Variants in DZIP1 observed in about 807,000 individuals in gnomAD.
The protein encoded by DZIP1 is cilium assembly protein DZIP1.
In DZIP1, 97 loss-of-function variants were observed where a neutral mutation model predicts 107.6. That is an observed-to-expected ratio of 0.90 (90% CI 0.77 to 1.07). The LOEUF is 1.07. DZIP1 is among the 50% of genes least tolerant of loss of function. DZIP1 has a pLI of 0.00. For missense variants in DZIP1, 1,035 were observed against 1,063.6 expected (o/e 0.97, Z 0.37); for synonymous variants, 390 against 386.4 (o/e 1.01, Z -0.11).
At position 95,593,802 on chromosome 13, in the gene DZIP1, G is replaced by C. The variant is rs911097739; in HGVS notation, c.1680+142C>G. On this transcript the variant is annotated intron_variant, in intron 16 of 22. Coordinates refer to ENST00000376829, the MANE Select transcript of DZIP1 (RefSeq NM_198968.4). ...CACAGTGAATGCTATTCAAGTGTTT[G>C]ATAAATAAAGTAGGTCACATTAGCC... 6.4e-6 allele frequency: 6 copies of C among 944,846 alleles called. No individual in the cohort carries two copies. The African/African-American group carries it at 8.6e-5, about 13-fold the overall frequency. 58.5% of individuals were successfully genotyped at this position (944,846 alleles called of 1,614,324 possible).
Position 95,600,020 on chromosome 13 carries a change from G to A in DZIP1, c.1478-596C>T, listed in dbSNP as rs188976055. ...GCCCTAGCCCCACAGCTGGGCAGAT[G>A]AGGAAGGACTCTTCCCAATCTCACC... On this transcript the variant is annotated intron_variant, in intron 14 of 22. Coordinates refer to ENST00000376829, the MANE Select transcript of DZIP1 (RefSeq NM_198968.4). 3.3e-5 allele frequency among the ~76,000 whole-genome samples: 5 copies of A among 152,310 alleles called. No homozygotes were observed. In the East Asian group the frequency reaches 7.7e-4, roughly 24 times the overall value.
At chr13:95,613,350 T>C (rs2045075461) in intron 10 of DZIP1, among the ~76,000 whole-genome samples, 1 of 151,892 alleles carries the variant, frequency 6.6e-6, no homozygotes, top group Non-Finnish European at 1.5e-5. Flanking sequence ...CCATCTCTAA[T>C]AAAAATACAA....
In DZIP1 at chr13:95,624,649, G is replaced by A. The variant is rs890957494; in HGVS notation, c.972+119C>T. On this transcript the variant is annotated intron_variant, in intron 8 of 22. Transcript: ENST00000376829. ...ATGCCTCCCTCAAGACTCTCAGGGA[G>A]AAGAATGTCTGCACGAGGGTAACAT... The A allele has an allele frequency of 1.6e-5, 14 of 897,886 alleles. No individual in the cohort carries two copies. In the South Asian group the frequency reaches 1.9e-4, roughly 12 times the overall value. 55.6% of individuals were successfully genotyped at this position (897,886 alleles called of 1,614,324 possible).
intron 10 of DZIP1, among the ~76,000 whole-genome samples, chr13:95,613,718 G>C (rs1017349344): frequency 1.3e-5 from 2 of 152,108 alleles, no homozygotes; most frequent in African/African-American, 4.8e-5. Context: ...TCATTTTGTT[G>C]AATCCACACC....
chr13:95,598,994 T>C (rs949503796), intron 15 of DZIP1, among the ~76,000 whole-genome samples: 4 of 152,212 alleles, frequency 2.6e-5, no homozygotes, highest in Non-Finnish European at 5.9e-5. Flanking sequence ...ATTAAGGGTA[T>C]GATAAATCAC....
intron 20 of DZIP1, among the ~76,000 whole-genome samples, chr13:95,587,035 A>T (rs988830845): frequency 6.6e-6 from 1 of 152,228 alleles, no homozygotes; most frequent in African/African-American, 2.4e-5. Context: ...TTGGAGGCAC[A>T]GTCTTTGCAA....
chr13:95,601,572 C>T (rs2044617928), intron 14 of DZIP1, among the ~76,000 whole-genome samples: 2 of 152,204 alleles, frequency 1.3e-5, no homozygotes, highest in South Asian at 4.1e-4. Context: ...CCAGAGCTTA[C>T]TCAGTGGCTT....
At chr13:95,598,992 T>A (rs1355286958) in intron 15 of DZIP1, among the ~76,000 whole-genome samples, 1 of 152,204 alleles carries the variant, frequency 6.6e-6, no homozygotes, top group African/African-American at 2.4e-5. Flanking sequence ...AGATTAAGGG[T>A]ATGATAAATC....
At chr13:95,589,130 C>A in intron 19 of DZIP1, 24 bp downstream of exon 19, 1 of 1,582,484 alleles carries the variant, frequency 6.3e-7, no homozygotes, top group Non-Finnish European at 8.6e-7. Context: ...TTTAAATGAC[C>A]CTCCCATCCC....
At chr13:95,610,107 TGTGTGAGAGAGAGACA>T (rs1367528590) in intron 12 of DZIP1, among the ~76,000 whole-genome samples, 1 of 121,948 alleles carries the variant, frequency 8.2e-6, no homozygotes, top group East Asian at 2.4e-4. Context: ...TGTGTGTGTG[TGTGTGAGAGAGAGACA>T]GAGAGAGAGA....
chr13:95,600,636 A>ACAGACAGACAGACAGACAGG (rs2044594954), intron 14 of DZIP1, among the ~76,000 whole-genome samples: 1 of 152,194 alleles, frequency 6.6e-6, no homozygotes, highest in African/African-American at 2.4e-5. Context: ...AGATAGACAG[A>ACAGACAGACAGACAGACAGG]CAGACAGACA....
Position 95,600,590 on chromosome 13 carries a change from TGATAGATA to T in DZIP1, c.1478-1174_1478-1167del, listed in dbSNP as rs1555306564. ...GAGATGATAGAGATAGATAGATAGA[TGATAGATA>T]GATAGATAGATAGATAGATAGATAG... On this transcript the variant is annotated intron_variant, in intron 14 of 22. Transcript: ENST00000376829. 8.5e-4 allele frequency among the ~76,000 whole-genome samples: 120 copies of T among 141,784 alleles called. 1 individual carries two copies. Among genetic ancestry groups the T allele is most frequent in the Admixed American group, 2.7e-3 (38 of 13,910 alleles). The allele number at this position is 141,784 out of a possible 152,430, so 93.0% of individuals were successfully genotyped here. A position where few individuals can be genotyped will look rare whatever the true frequency, so the allele number is the denominator to read the frequency against.
rs771713179 is a variant in DZIP1, at chr13:95,624,923, C to A, written c.817G>T (p.Glu273Ter). The change falls in exon 8 of 23, where the codon GAA becomes TAA. Residue 273 changes from glutamate to a stop codon, truncating the protein, a stop_gained. Coordinates refer to ENST00000376829, the MANE Select transcript of DZIP1 (RefSeq NM_198968.4). LOFTEE classifies it high-confidence loss of function. The part of the protein sequence containing the change: ...ASAVRFSKEY[E>*]MQKTKEEDFL... ...TCTTCCTCTTTTGTTTTCTGCATTT[C>A]ATATTCCTGAAATTATTTTAATACA... 1 of 1,595,606 alleles carries A rather than the reference C, an allele frequency of 6.3e-7. No individual in the cohort carries two copies. The highest frequency in any genetic ancestry group is 1.1e-5 in the South Asian group (1 of 87,276).
intron 5 of DZIP1, among the ~76,000 whole-genome samples, chr13:95,635,270 C>G (rs1347200134): frequency 6.6e-6 from 1 of 150,612 alleles, no homozygotes; most frequent in Non-Finnish European, 1.5e-5. Flanking sequence ...AATCATGGCT[C>G]ACTGCAGCTT....
chr13:95,609,424 C>A (rs781697913), intron 13 of DZIP1, 33 bp downstream of exon 13: 2 of 1,434,810 alleles, frequency 1.4e-6, no homozygotes, highest in Non-Finnish European at 9.3e-7. Context: ...TTAAAGATAC[C>A]TTTGGAGCCC....
chr13:95,622,316 C>T, intron 9 of DZIP1, 27 bp downstream of exon 9: 1 of 1,613,972 alleles, frequency 6.2e-7, no homozygotes, highest in Non-Finnish European at 8.5e-7. Context: ...AAGGCATCCA[C>T]TGCAGCTGTC....
chr13:95,637,630 CT>C (rs1169652893), intron 5 of DZIP1, among the ~76,000 whole-genome samples: 1 of 151,698 alleles, frequency 6.6e-6, no homozygotes, highest in Non-Finnish European at 1.5e-5. Flanking sequence ...CTCTCTCTCT[CT>C]CTCTCTCTCT....
chr13:95,581,243 A>C lies in DZIP1; in HGVS notation c.*991T>G. The C allele has an allele frequency of 6.6e-6, 1 of 152,650 alleles. No individual in the cohort carries two copies. The highest frequency in any genetic ancestry group is 2.1e-4 in the South Asian group (1 of 4,830). 9.5% of individuals were successfully genotyped at this position (152,650 alleles called of 1,614,324 possible). A position where few individuals can be genotyped will look rare whatever the true frequency, so the allele number is the denominator to read the frequency against. ...TAACCAAGTTATAAAAATGCAAAAA[A>C]CAGCTTATAAGAACTTTCTTTCGAC... On this transcript the variant is annotated 3_prime_UTR_variant, in exon 23 of 23. Transcript: ENST00000376829.
rs1337190919 is a variant in DZIP1 at position 95,611,550 on chromosome 13, A to G, written c.1315-57T>C. The G allele has an allele frequency of 1.6e-5, 21 of 1,288,566 alleles. No homozygotes were observed. In the East Asian group the frequency reaches 4.6e-4, roughly 28 times the overall value. The allele number at this position is 1,288,566 out of a possible 1,614,324, so 79.8% of individuals were successfully genotyped here. The stretch of plus-strand genomic sequence containing the variant: ...TTTGAAATTAGATAGGGACACACAC[A>G]TGGGATAATGGACAGATAATGTTGT... On this transcript the variant is annotated intron_variant, in intron 11 of 22. Transcript: ENST00000376829.
Sources: allele counts gnomAD v4.1 joint callset (sites outside exome capture counted in the v4.1 genomes callset), GRCh38; gene constraint gnomAD v4.1.1; transcripts MANE v1.5; gene names NCBI Gene and HGNC (gene_info 2026-07-23, HGNC 2026-07-21).